The following PMPCA variants were observed in gnomAD, a reference collection of about 807,000 sequenced individuals.
PMPCA encodes the protein peptidase, mitochondrial processing subunit alpha.
PMPCA carries 47 observed loss-of-function variants against 59.3 expected under a neutral mutation model. The observed-to-expected ratio is 0.79, with a 90% CI of 0.63 to 1.01. PMPCA has a LOEUF of 1.01. Ranked by LOEUF, PMPCA falls within the 50% of genes least tolerant of loss-of-function variation. PMPCA has a pLI of 0.00. For synonymous variants in PMPCA, 338 were observed against 290.3 expected (o/e 1.16, Z -1.67); for missense variants, 726 against 704.5 (o/e 1.03, Z -0.34).
Position 136,417,183 on chromosome 9 carries a change from C to A in PMPCA, c.866C>A (p.Ser289Tyr). 1.2e-6 allele frequency: 2 copies of A among 1,602,018 alleles called. No homozygotes were observed. Among genetic ancestry groups the A allele is most frequent in the African/African-American group, 1.3e-5 (1 of 74,882 alleles). ...GCAGAGGCCGTGGATATTGACAGAT[C>A]TGTGGCCCAGTACACTGGGGGGATT... is the stretch of plus-strand genomic sequence containing the variant. ...GSAEAVDIDR[S>Y]VAQYTGGIAK... is the part of the protein sequence containing the mutation. Residue 289 changes from serine to tyrosine, a missense_variant, in exon 7 of 13, where the codon TCT becomes TAT. Ser to Tyr is a moderately radical substitution (Grantham distance 144). Coordinates refer to ENST00000371717, the MANE Select transcript of PMPCA (RefSeq NM_015160.3).
chr9:136,412,036 T>C lies in PMPCA; in HGVS notation c.111T>C (p.Gly37=). ...CGTACAGACGGTTTAGTAGTGGTGG[T>C]GCCTATCCCAACATCCCCCTCTCTT... ...PPAYRRFSSG[G]AYPNIPLSSP... is the part of the protein sequence containing the mutation. Residue 37 remains glycine, a synonymous_variant, in exon 2 of 13, where the codon GGT becomes GGC. Coordinates refer to ENST00000371717, the MANE Select transcript of PMPCA (RefSeq NM_015160.3). 1 of 1,613,454 alleles carries C rather than the reference T, an allele frequency of 6.2e-7. No individual in the cohort carries two copies. The highest frequency in any genetic ancestry group is 8.5e-7 in the Non-Finnish European group (1 of 1,179,428).
chr9:136,419,109 A>G lies in PMPCA; in HGVS notation c.1263+3A>G. The G allele has an allele frequency of 1.2e-6, 2 of 1,611,984 alleles. No individual in the cohort carries two copies. Among genetic ancestry groups the G allele is most frequent in the Non-Finnish European group, 1.7e-6 (2 of 1,178,004 alleles). On this transcript the variant is annotated splice_donor_region_variant and intron_variant, in intron 11 of 12. Transcript: ENST00000371717. ...TAATGGGCGGAACCGTGGACACGGT[A>G]AGTGCAGTGTGGCGCCATTTCCAGG...
chr9:136,412,520 C>T lies in PMPCA; in HGVS notation c.305C>T (p.Ala102Val), dbSNP rs577436658. 111 of 1,596,300 alleles carry T rather than the reference C, an allele frequency of 7.0e-5. No homozygotes were observed. Among genetic ancestry groups the T allele is most frequent in the Non-Finnish European group, 9.2e-5 (107 of 1,165,916 alleles). The change falls in exon 3 of 13, where the codon GCG (alanine) becomes GTG (valine). Residue 102 changes from alanine to valine, a missense_variant. Coordinates refer to ENST00000371717, the MANE Select transcript of PMPCA (RefSeq NM_015160.3). The stretch of plus-strand genomic sequence containing the variant: ...ATCAATTCAGGATCGAGATATGAAG[C>T]GAAATACCTTAGTGGAATTGCTCAC... ...ILINSGSRYE[A>V]KYLSGIAHFL...
At position 136,423,391 on chromosome 9, in the gene PMPCA, C is replaced by A. The variant is rs376695001; in HGVS notation, c.*127C>A. 3.6e-5 allele frequency: 34 copies of A among 955,424 alleles called. No individual in the cohort carries two copies. The highest frequency in any genetic ancestry group is 5.0e-5 in the Non-Finnish European group (33 of 653,622). 59.2% of individuals were successfully genotyped at this position (955,424 alleles called of 1,614,324 possible). On this transcript the variant is annotated 3_prime_UTR_variant, in exon 13 of 13. Coordinates refer to ENST00000371717, the MANE Select transcript of PMPCA (RefSeq NM_015160.3). ...ATAAACGGTGCAAACAATGTCGCCACAGCACCCACGCGGTTTGCATTCTTT... is the reference window on the plus strand; with the variant it reads ...ATAAACGGTGCAAACAATGTCGCCAAAGCACCCACGCGGTTTGCATTCTTT...
chr9:136,415,291 G>A (rs1361791936), intron 5 of PMPCA, among the ~76,000 whole-genome samples: 2 of 152,224 alleles, frequency 1.3e-5, no homozygotes, highest in African/African-American at 2.4e-5. Flanking sequence ...CTTAGTGTTT[G>A]AGAGAATGTG....
intron 6 of PMPCA, 49 bp from the exon 7 acceptor site, chr9:136,416,902 C>T (rs1214080812): frequency 1.3e-6 from 2 of 1,549,958 alleles, no homozygotes; most frequent in Admixed American, 3.6e-5. Context: ...TGGAGGAAGC[C>T]TGGTCATGCT....
At position 136,412,508 on chromosome 9, in the gene PMPCA, C is replaced by G; in HGVS notation, c.293C>G (p.Ser98Trp). The G allele has an allele frequency of 6.3e-7, 1 of 1,580,592 alleles. No homozygotes were observed. The highest frequency in any genetic ancestry group is 8.7e-7 in the Non-Finnish European group (1 of 1,152,098). Residue 98 changes from serine to tryptophan, a missense_variant, in exon 3 of 13, where the codon TCG (serine) becomes TGG (tryptophan). Coordinates refer to ENST00000371717, the MANE Select transcript of PMPCA (RefSeq NM_015160.3). Reference protein sequence around the residue: ...CTVGILINSGSRYEAKYLSGI... With the variant: ...CTVGILINSGWRYEAKYLSGI... ...CTACTAGTTCTTATCAATTCAGGATCGAGATATGAAGCGAAATACCTTAGT... is the reference window on the plus strand; with the variant it reads ...CTACTAGTTCTTATCAATTCAGGATGGAGATATGAAGCGAAATACCTTAGT...
intron 1 of PMPCA, among the ~76,000 whole-genome samples, 173 bp downstream of exon 1, chr9:136,410,912 C>T (rs1358953286): frequency 2.0e-5 from 3 of 152,262 alleles, no homozygotes; most frequent in African/African-American, 7.2e-5. Context: ...GCCTCGAGCC[C>T]GGGGACGCAG....
In PMPCA at chr9:136,422,996, G is replaced by C. The variant is rs1835501687; in HGVS notation, c.1409-99G>C. On this transcript the variant is annotated intron_variant, in intron 12 of 12. Transcript: ENST00000371717. ...CCCATCAGCAGCACAGCGTGAGTGA[G>C]TGGTACAGACCAGCCGCCCCCTCCG... The C allele has an allele frequency of 3.4e-6, 5 of 1,482,632 alleles. No individual in the cohort carries two copies. The Admixed American group carries it at 1.1e-4, about 31-fold the overall frequency. 91.8% of individuals were successfully genotyped at this position (1,482,632 alleles called of 1,614,324 possible). A position where few individuals can be genotyped will look rare whatever the true frequency, so the allele number is the denominator to read the frequency against.
chr9:136,412,441 C>A (rs1207316868), intron 2 of PMPCA, 49 bp from the exon 3 acceptor site: 16 of 933,980 alleles, frequency 1.7e-5, no homozygotes, highest in Non-Finnish European at 2.6e-5. Context: ...TTGATTAAAT[C>A]TTATTTTGAA....
rs146245454 is a variant in PMPCA, at chr9:136,418,033, C to T, written c.914C>T (p.Ser305Phe). Reference sequence around the variant, plus strand: ...TGGTTACAGCTAGAAAGAGACATGTCCAATGTCAGCCTGGGCCCGACCCCC... The same window carrying T: ...TGGTTACAGCTAGAAAGAGACATGTTCAATGTCAGCCTGGGCCCGACCCCC... ...GGIAKLERDM[S>F]NVSLGPTPIP... Residue 305 changes from serine (S) to phenylalanine (F), a missense_variant, in exon 8 of 13, where the codon TCC becomes TTC. By Grantham distance (155) the Ser-to-Phe change is radical. Coordinates refer to ENST00000371717, the MANE Select transcript of PMPCA (RefSeq NM_015160.3). The T allele has an allele frequency of 2.3e-5, 37 of 1,613,002 alleles. No individual in the cohort carries two copies. In the African/African-American group the frequency reaches 3.3e-4, roughly 15 times the overall value.
chr9:136,422,676 C>A, intron 12 of PMPCA: 1 of 1,014,132 alleles, frequency 9.9e-7, no homozygotes, highest in Non-Finnish European at 1.2e-6. Flanking sequence ...GAAAACAGAC[C>A]CACCTGGACC....
chr9:136,421,908 A>G lies in PMPCA; in HGVS notation c.1340A>G (p.Glu447Gly), dbSNP rs1296866941. ...MNLESRPVIF[E>G]DVGRQVLATR... ...CTGGAATCCAGGCCTGTGATCTTCG[A>G]GGATGTGGGGAGGCAGGTGCTGGCC... Residue 447 changes from glutamate (E) to glycine (G), a missense_variant, in exon 12 of 13, where the codon GAG (glutamate) becomes GGG (glycine). By Grantham distance (98) the Glu-to-Gly change is moderately conservative. Transcript: ENST00000371717. The G allele has an allele frequency of 6.2e-7, 1 of 1,612,188 alleles. No homozygotes were observed.
At chr9:136,412,272 T>A (rs1305725531) in intron 2 of PMPCA, 73 bp downstream of exon 2, 2 of 1,102,502 alleles carry the variant, frequency 1.8e-6, no homozygotes, top group East Asian at 2.4e-5. Context: ...CTGTTAGTTG[T>A]AATTAGCATG....
chr9:136,412,634 C>T (rs980696779), intron 3 of PMPCA, 65 bp downstream of exon 3: 4 of 869,248 alleles, frequency 4.6e-6, no homozygotes, highest in African/African-American at 1.7e-5. Context: ...TTTTTCTTGT[C>T]TATAATGGTT....
At chr9:136,411,941 C>T (rs1257828106) in intron 1 of PMPCA, 56 bp from the exon 2 acceptor site, 10 of 983,544 alleles carry the variant, frequency 1.0e-5, no homozygotes, top group South Asian at 1.3e-5. Flanking sequence ...CCTAACAGGT[C>T]ATCACAGGTT....
At position 136,412,830 on chromosome 9, in the gene PMPCA, C is replaced by A; in HGVS notation, c.375C>A (p.Ser125Arg). ...ACTAGTCTACTGCTCGATTTGACAG[C>A]AAAGATGAAATTCTGCTTACGTTGG... ...LAFSSTARFD[S>R]KDEILLTLEK... Residue 125 changes from serine (S) to arginine (R), a missense_variant, in exon 4 of 13, where the codon AGC (serine) becomes AGA (arginine). Transcript: ENST00000371717. 1 of 1,605,044 alleles carries A rather than the reference C, an allele frequency of 6.2e-7. No individual in the cohort carries two copies. The highest frequency in any genetic ancestry group is 8.5e-7 in the Non-Finnish European group (1 of 1,171,786).
In PMPCA at chr9:136,412,479, T is replaced by C. The variant is rs1043375538; in HGVS notation, c.275-11T>C. The C allele has an allele frequency of 7.3e-6, 10 of 1,369,114 alleles. No individual in the cohort carries two copies. Among genetic ancestry groups the C allele is most frequent in the African/African-American group, 4.3e-5 (3 of 68,978 alleles). The allele number at this position is 1,369,114 out of a possible 1,614,324, so 84.8% of individuals were successfully genotyped here. ...TCTGATGTAACCTGTCAATTTTCTT[T>C]TTACTACTAGTTCTTATCAATTCAG... On this transcript the variant is annotated splice_polypyrimidine_tract_variant and intron_variant, in intron 2 of 12. Coordinates refer to ENST00000371717, the MANE Select transcript of PMPCA (RefSeq NM_015160.3).
chr9:136,415,252 A>G (rs549286508), intron 5 of PMPCA, among the ~76,000 whole-genome samples: 1 of 152,322 alleles, frequency 6.6e-6, no homozygotes, highest in African/African-American at 2.4e-5. Flanking sequence ...ACAAAAAGGA[A>G]AAAAAACCCA....
Sources: gnomAD v4.1 joint callset for allele counts (sites outside exome capture counted in the v4.1 genomes callset) on GRCh38, gnomAD v4.1.1 for gene constraint, MANE v1.5 for transcripts, NCBI Gene and HGNC (gene_info 2026-07-23, HGNC 2026-07-21) for gene names.